MMP16: variants seen among roughly 807,000 people sequenced by gnomAD.
MMP16 encodes matrix metalloproteinase-16.
A neutral mutation model predicts 67.8 loss-of-function variants in MMP16; 12 were observed. The ratio of observed to expected loss-of-function variants is 0.18; its 90% CI spans 0.11 to 0.29. MMP16 has a LOEUF of 0.29. MMP16 is among the 10% of genes least tolerant of loss of function. The pLI is 1.00. For synonymous variants in MMP16, 249 were observed against 255.9 expected (o/e 0.97, Z 0.26); for missense variants, 475 against 765.7 (o/e 0.62, Z 4.48).
chr8:88,057,291 T>C (rs1341911834), intron 7 of MMP16, among the ~76,000 whole-genome samples: 1 of 152,130 alleles, frequency 6.6e-6, no homozygotes, highest in African/African-American at 2.4e-5. Context: ...TGCTCTCCTC[T>C]TCTTATCCTA....
intron 2 of MMP16, among the ~76,000 whole-genome samples, chr8:88,192,492 T>TC (rs1278974742): frequency 1.3e-5 from 2 of 152,196 alleles, no homozygotes; most frequent in African/African-American, 4.8e-5. Flanking sequence ...TCACTAGCTA[T>TC]CAACCTTCCT....
intron 1 of MMP16, among the ~76,000 whole-genome samples, chr8:88,286,082 C>A (rs1810826165): frequency 1.3e-5 from 2 of 152,288 alleles, no homozygotes; most frequent in Non-Finnish European, 2.9e-5. Context: ...ATTCAAGGAG[C>A]TCTTTTTAGT....
intron 3 of MMP16, among the ~76,000 whole-genome samples, chr8:88,180,220 G>A (rs1346168375): frequency 6.6e-6 from 1 of 151,862 alleles, no homozygotes; most frequent in African/African-American, 2.4e-5. Context: ...GGCAGAGGTT[G>A]CAGCGAGCTG....
At position 88,226,735 on chromosome 8, in the gene MMP16, C is replaced by T. The variant is rs144380744; in HGVS notation, c.133-29429G>A. 7.9e-5 allele frequency among the ~76,000 whole-genome samples: 12 copies of T among 152,060 alleles called. No individual in the cohort carries two copies. The East Asian group carries it at 2.3e-3, about 30-fold the overall frequency. On this transcript the variant is annotated intron_variant, in intron 1 of 9. Transcript: ENST00000286614. The stretch of plus-strand genomic sequence containing the variant: ...GTCCTCCTGTCTTGGTAAGGCATGT[C>T]CGAGAGTGCTGACCAGGGTCTCTTC...
intron 3 of MMP16, among the ~76,000 whole-genome samples, chr8:88,174,805 C>T (rs867005039): frequency 1.0e-4 from 15 of 149,988 alleles, no homozygotes; most frequent in Admixed American, 2.7e-4. Flanking sequence ...TCCAGGCTGG[C>T]GTGCAGTGGC....
At chr8:88,102,817 C>A (rs544424657) in intron 6 of MMP16, among the ~76,000 whole-genome samples, 2 of 151,960 alleles carry the variant, frequency 1.3e-5, no homozygotes, top group African/African-American at 4.8e-5. Flanking sequence ...ATACCATAGT[C>A]CACTTGCCCA....
At chr8:88,282,919 T>C (rs1407252767) in intron 1 of MMP16, among the ~76,000 whole-genome samples, 1 of 152,212 alleles carries the variant, frequency 6.6e-6, no homozygotes, top group Non-Finnish European at 1.5e-5. Flanking sequence ...AAGTCAAGCT[T>C]ATTCAAGTTT....
chr8:88,076,104 T>G (rs1039815851), intron 6 of MMP16, among the ~76,000 whole-genome samples: 1 of 152,100 alleles, frequency 6.6e-6, no homozygotes, highest in African/African-American at 2.4e-5. Context: ...TATCATGCAC[T>G]GTCTTCTCTA....
chr8:88,215,459 G>A (rs1204726890), intron 1 of MMP16, among the ~76,000 whole-genome samples: 1 of 152,086 alleles, frequency 6.6e-6, no homozygotes, highest in Non-Finnish European at 1.5e-5. Context: ...GTACTACCCA[G>A]GATCCCTTGC....
chr8:88,268,305 G>A (rs888233443), intron 1 of MMP16, among the ~76,000 whole-genome samples: 3 of 152,146 alleles, frequency 2.0e-5, no homozygotes, highest in South Asian at 2.1e-4. Flanking sequence ...CTGTACCACT[G>A]CACCCTAACC....
At chr8:88,140,148 A>C (rs1413626142) in intron 4 of MMP16, among the ~76,000 whole-genome samples, 1 of 152,058 alleles carries the variant, frequency 6.6e-6, no homozygotes, top group Non-Finnish European at 1.5e-5. Context: ...GTCTACTTCA[A>C]GGTAAGTGGC....
intron 4 of MMP16, among the ~76,000 whole-genome samples, chr8:88,162,503 G>A (rs1288203320): frequency 6.6e-6 from 1 of 152,044 alleles, no homozygotes; most frequent in Non-Finnish European, 1.5e-5. Flanking sequence ...TTAAGGATGA[G>A]TTAAAGTCCT....
intron 3 of MMP16, among the ~76,000 whole-genome samples, chr8:88,182,898 T>C (rs1809004639): frequency 6.6e-6 from 1 of 152,004 alleles, no homozygotes; most frequent in Non-Finnish European, 1.5e-5. Flanking sequence ...TATCAAGTTA[T>C]GAAAAATGTT....
At chr8:88,191,585 T>C (rs755635103) in intron 2 of MMP16, among the ~76,000 whole-genome samples, 14 of 152,102 alleles carry the variant, frequency 9.2e-5, no homozygotes, top group Admixed American at 7.9e-4. Flanking sequence ...AATAGAAATA[T>C]AAATAAACAA....
intron 1 of MMP16, among the ~76,000 whole-genome samples, chr8:88,282,235 C>G (rs1810753809): frequency 6.6e-6 from 1 of 152,034 alleles, no homozygotes; most frequent in South Asian, 2.1e-4. Context: ...CCACCACACC[C>G]AGCTAATTTT....
At chr8:88,266,189 C>T (rs1284536507) in intron 1 of MMP16, among the ~76,000 whole-genome samples, 1 of 152,130 alleles carries the variant, frequency 6.6e-6, no homozygotes, top group Non-Finnish European at 1.5e-5. Flanking sequence ...CTCTCACCAG[C>T]CCACTGTGGA....
chr8:88,327,240 C>G lies in MMP16; in HGVS notation c.-34G>C. ...GTGCTTCAATGGATGGACGAGCTCC[C>G]CTTCGTTTTCTCCCTCTCTCCCTCT... On this transcript the variant is annotated 5_prime_UTR_variant, in exon 1 of 10. Transcript: ENST00000286614. 2 of 1,612,736 alleles carry G rather than the reference C, an allele frequency of 1.2e-6. No homozygotes were observed. Among genetic ancestry groups the G allele is most frequent in the South Asian group, 1.1e-5 (1 of 91,042 alleles).
chr8:88,177,930 T>C (rs1808918931), intron 3 of MMP16, among the ~76,000 whole-genome samples: 1 of 151,702 alleles, frequency 6.6e-6, no homozygotes, highest in Non-Finnish European at 1.5e-5. Flanking sequence ...AGATGAGATA[T>C]ATATATATGA....
intron 3 of MMP16, among the ~76,000 whole-genome samples, chr8:88,172,774 C>T (rs1185453364): frequency 1.3e-5 from 2 of 151,966 alleles, no homozygotes; most frequent in Non-Finnish European, 2.9e-5. Flanking sequence ...TTCACTGATT[C>T]TTTCAAACTT....
Sources: gnomAD v4.1 joint callset for allele counts (sites outside exome capture counted in the v4.1 genomes callset) on GRCh38, gnomAD v4.1.1 for gene constraint, MANE v1.5 for transcripts, NCBI Gene and HGNC (gene_info 2026-07-23, HGNC 2026-07-21) for gene names.